ARHGEF26: variants seen among roughly 807,000 people sequenced by gnomAD.
ARHGEF26 encodes the protein Rho guanine nucleotide exchange factor (GEF) 26.
ARHGEF26 carries 59 observed loss-of-function variants against 89.4 expected under a neutral mutation model. The ratio of observed to expected loss-of-function variants is 0.66; its 90% CI spans 0.54 to 0.82. ARHGEF26 has a LOEUF of 0.82. Ranked by LOEUF, ARHGEF26 falls within the 40% of genes least tolerant of loss-of-function variation. The pLI, the probability that ARHGEF26 is intolerant of heterozygous loss-of-function variation, is 0.00. For missense variants in ARHGEF26, 1,234 were observed against 1,085.6 expected (o/e 1.14, Z -1.92); for synonymous variants, 500 against 428.4 (o/e 1.17, Z -2.06).
At chr3:154,212,920 A>G (rs1037394382) in intron 9 of ARHGEF26, among the ~76,000 whole-genome samples, 3 of 152,156 alleles carry the variant, frequency 2.0e-5, no homozygotes, top group African/African-American at 4.8e-5. Context: ...GTTGTGCTCC[A>G]TTGAACATTG....
chr3:154,171,967 AT>A (rs924206807), intron 6 of ARHGEF26, among the ~76,000 whole-genome samples: 13 of 152,016 alleles, frequency 8.6e-5, no homozygotes, highest in Non-Finnish European at 1.3e-4. Flanking sequence ...GCAGGATGTA[AT>A]TTTTTTTCTT....
chr3:154,232,830 G>GTTTC (rs1299547539), intron 11 of ARHGEF26, among the ~76,000 whole-genome samples: 1 of 151,424 alleles, frequency 6.6e-6, no homozygotes, highest in Non-Finnish European at 1.5e-5. Context: ...GAGTGAGTGG[G>GTTTC]TTTCTTTCTT....
In ARHGEF26 at chr3:154,210,495, A is replaced by G. The variant is rs374277296; in HGVS notation, c.1846-7374A>G. The stretch of plus-strand genomic sequence containing the variant: ...AGCCTGACTAATTTTTTGTATTTTT[A>G]GTAGAGACGGGGTTTCACCATGCTG... On this transcript the variant is annotated intron_variant, in intron 9 of 14. Transcript: ENST00000465093. Among the ~76,000 whole-genome samples the G allele has an allele frequency of 5.3e-5, 8 of 151,540 alleles. No homozygotes were observed. In the South Asian group the frequency reaches 1.5e-3, roughly 28 times the overall value.
At chr3:154,123,155 G>A (rs560771230) in intron 2 of ARHGEF26, 80 bp downstream of exon 2, 2 of 1,554,878 alleles carry the variant, frequency 1.3e-6, no homozygotes, top group Middle Eastern at 1.7e-4. Context: ...GGAGCGTAGA[G>A]GAAACCCGAA....
chr3:154,191,486 A>G, intron 8 of ARHGEF26, 68 bp downstream of exon 8: 2 of 1,526,512 alleles, frequency 1.3e-6, no homozygotes, highest in Non-Finnish European at 1.8e-6. Context: ...TTAGAAAATT[A>G]TTATTATTCC....
At chr3:154,212,953 A>G (rs984750458) in intron 9 of ARHGEF26, among the ~76,000 whole-genome samples, 3 of 152,176 alleles carry the variant, frequency 2.0e-5, no homozygotes, top group Admixed American at 6.5e-5. Flanking sequence ...GATTGTGCAC[A>G]TCTAACCATT....
chr3:154,177,235 C>G (rs1041180490), intron 6 of ARHGEF26, among the ~76,000 whole-genome samples: 2 of 152,174 alleles, frequency 1.3e-5, no homozygotes, highest in African/African-American at 4.8e-5. Context: ...AGGCTGCCAG[C>G]AGCTTGGTTA....
chr3:154,176,201 G>A (rs570905531), intron 6 of ARHGEF26, among the ~76,000 whole-genome samples: 1 of 152,274 alleles, frequency 6.6e-6, no homozygotes, highest in East Asian at 1.9e-4. Context: ...ATGACAAATA[G>A]GCAGTTTCTT....
intron 4 of ARHGEF26, among the ~76,000 whole-genome samples, chr3:154,149,156 A>G (rs1044662331): frequency 6.6e-6 from 1 of 152,180 alleles, no homozygotes; most frequent in Non-Finnish European, 1.5e-5. Context: ...TAGAGTTTGT[A>G]TGAGGATTCA....
At chr3:154,152,218 T>C (rs1035642695) in intron 5 of ARHGEF26, among the ~76,000 whole-genome samples, 3 of 152,198 alleles carry the variant, frequency 2.0e-5, no homozygotes, top group African/African-American at 7.2e-5. Context: ...AAGAACCTTT[T>C]GAGGGTAGAC....
At chr3:154,183,199 G>A (rs900432632) in intron 6 of ARHGEF26, among the ~76,000 whole-genome samples, 6 of 152,122 alleles carry the variant, frequency 3.9e-5, no homozygotes, top group African/African-American at 1.4e-4. Context: ...GCCAAACAGG[G>A]CTAACTTGTG....
At chr3:154,252,340 AATAC>A (rs1718208431) in intron 12 of ARHGEF26, among the ~76,000 whole-genome samples, 3 of 152,184 alleles carry the variant, frequency 2.0e-5, no homozygotes, top group Admixed American at 6.5e-5. Context: ...GTGTTTAATA[AATAC>A]ATAAGAGAGT....
intron 9 of ARHGEF26, among the ~76,000 whole-genome samples, chr3:154,213,239 G>GTA (rs1227037124): frequency 3.8e-5 from 5 of 129,888 alleles, no homozygotes; most frequent in African/African-American, 1.0e-4. Flanking sequence ...GTGTGTGTGT[G>GTA]TGTATATATA....
chr3:154,182,501 A>G (rs1399470890), intron 6 of ARHGEF26, among the ~76,000 whole-genome samples: 1 of 152,218 alleles, frequency 6.6e-6, no homozygotes, highest in Non-Finnish European at 1.5e-5. Context: ...TGAACCTGAT[A>G]TGGTTGCTGA....
intron 10 of ARHGEF26, 27 bp from the exon 11 acceptor site, chr3:154,225,829 G>T: frequency 6.4e-7 from 1 of 1,569,210 alleles, no homozygotes; most frequent in Non-Finnish European, 8.6e-7. Flanking sequence ...ATTTAGCTTT[G>T]GTCACTGGGT....
At chr3:154,226,115 G>A in intron 11 of ARHGEF26, 105 bp downstream of exon 11, 2 of 1,033,226 alleles carry the variant, frequency 1.9e-6, no homozygotes, top group Non-Finnish European at 2.7e-6. Context: ...AATGTTGGAA[G>A]TATAGTTTCT....
chr3:154,226,490 A>G (rs1046142199), intron 11 of ARHGEF26, among the ~76,000 whole-genome samples: 3 of 152,176 alleles, frequency 2.0e-5, no homozygotes, highest in South Asian at 2.1e-4. Flanking sequence ...GGTGTTAGCC[A>G]TACTCCCTTC....
At position 154,126,930 on chromosome 3, in the gene ARHGEF26, A is replaced by G. The variant is rs200989493; in HGVS notation, c.1123+2481A>G. ...TATGGTAGAGCCAAACCTGTACAGC[A>G]TGTTACTGTACTGAATACTGTAGGC... On this transcript the variant is annotated intron_variant, in intron 3 of 14. Transcript: ENST00000465093. Among the ~76,000 whole-genome samples the G allele has an allele frequency of 9.2e-5, 14 of 152,364 alleles. No homozygotes were observed. In the East Asian group the frequency reaches 1.5e-3, roughly 17 times the overall value.
chr3:154,253,006 T>C, intron 12 of ARHGEF26, 110 bp from the exon 13 acceptor site: 1 of 1,207,318 alleles, frequency 8.3e-7, no homozygotes, highest in Non-Finnish European at 1.2e-6. Flanking sequence ...CATACCTCTC[T>C]AGAGAATCTC....
Sources: gnomAD v4.1 joint callset for allele counts (sites outside exome capture counted in the v4.1 genomes callset) on GRCh38, gnomAD v4.1.1 for gene constraint, MANE v1.5 for transcripts, NCBI Gene and HGNC (gene_info 2026-07-23, HGNC 2026-07-21) for gene names.